Variants in EYS observed in about 807,000 individuals in gnomAD.
The protein encoded by EYS is protein eyes shut homolog.
EYS carries 250 observed loss-of-function variants against 282.1 expected under a neutral mutation model. The ratio of observed to expected loss-of-function variants is 0.89; its 90% CI spans 0.80 to 0.98. EYS has a LOEUF of 0.98. EYS is among the 50% of genes least tolerant of loss of function. The probability of loss-of-function intolerance (pLI) is 0.00; values close to 1 mark genes in which losing one functional copy is unlikely to be tolerated. For missense variants in EYS, 4,016 were observed against 3,709.0 expected (o/e 1.08, Z -2.15); for synonymous variants, 1,355 against 1,282.9 (o/e 1.06, Z -1.20).
intron 26 of EYS, among the ~76,000 whole-genome samples, chr6:64,441,067 C>T (rs1235243895): frequency 6.6e-6 from 1 of 152,020 alleles, no homozygotes; most frequent in African/African-American, 2.4e-5. Context: ...TGATGCTTTA[C>T]AAAGAAATTA....
At chr6:65,363,137 C>T (rs1295542258) in intron 8 of EYS, among the ~76,000 whole-genome samples, 1 of 80,468 alleles carries the variant, frequency 1.2e-5, no homozygotes, top group African/African-American at 4.8e-5. Context: ...TGAATGTGAT[C>T]ATCAGGGCTA....
At chr6:65,204,405 TAA>T (rs112984476) in intron 12 of EYS, among the ~76,000 whole-genome samples, 5 of 135,036 alleles carry the variant, frequency 3.7e-5, no homozygotes, top group African/African-American at 5.3e-5. Flanking sequence ...TTAGCCTCCT[TAA>T]AAAAAAAAAA....
intron 5 of EYS, among the ~76,000 whole-genome samples, chr6:65,448,766 C>T (rs556727989): frequency 2.5e-4 from 38 of 151,974 alleles, no homozygotes; most frequent in East Asian, 2.1e-3. Flanking sequence ...ATATCAAATG[C>T]AATGTTTTTG....
intron 12 of EYS, among the ~76,000 whole-genome samples, chr6:65,221,763 A>C (rs747328599): frequency 7.9e-5 from 12 of 152,266 alleles, no homozygotes; most frequent in Non-Finnish European, 1.2e-4. Flanking sequence ...TGCACCTAGA[A>C]AAGACAAGAC....
intron 31 of EYS, among the ~76,000 whole-genome samples, chr6:64,112,105 A>G (rs980643839): frequency 4.6e-5 from 7 of 152,078 alleles, no homozygotes; most frequent in East Asian, 1.9e-4. Context: ...TGAAAATATG[A>G]TAAACAGATA....
chr6:63,761,045 C>T (rs528513866), intron 41 of EYS, among the ~76,000 whole-genome samples: 31 of 148,310 alleles, frequency 2.1e-4, no homozygotes, highest in African/African-American at 7.3e-4. Context: ...AATATTTAAC[C>T]GATTTTTTTT....
At chr6:65,681,284 TG>T (rs1768804271) in intron 1 of EYS, among the ~76,000 whole-genome samples, 1 of 152,010 alleles carries the variant, frequency 6.6e-6, no homozygotes, top group African/African-American at 2.4e-5. Context: ...TCATCATCTG[TG>T]GGGGCTAACA....
rs568007042 is a variant in EYS at position 65,039,684 on chromosome 6, A to G, written c.2137+17930T>C. ...TCCTTTTTAAAAATATTAACCATAA[A>G]TATTTTATGGTTTTGCAGATTTTAT... On this transcript the variant is annotated intron_variant, in intron 13 of 42. Transcript: ENST00000503581. Among the ~76,000 whole-genome samples, 3 of 151,638 alleles carry G rather than the reference A, an allele frequency of 2.0e-5. No individual in the cohort carries two copies. The East Asian group carries it at 5.8e-4, about 29-fold the overall frequency.
chr6:64,063,640 A>G (rs1771258311), intron 33 of EYS, among the ~76,000 whole-genome samples: 1 of 151,958 alleles, frequency 6.6e-6, no homozygotes, highest in Non-Finnish European at 1.5e-5. Context: ...TTACTAAGGC[A>G]CCCTCTTCTG....
chr6:64,569,438 T>G (rs1765652257), intron 26 of EYS, among the ~76,000 whole-genome samples: 1 of 151,376 alleles, frequency 6.6e-6, no homozygotes, highest in African/African-American at 2.4e-5. Context: ...AAGACAAGAT[T>G]AGAGAAAAAA....
chr6:65,117,086 T>C (rs1775397939), intron 12 of EYS, among the ~76,000 whole-genome samples: 1 of 152,178 alleles, frequency 6.6e-6, no homozygotes, highest in Non-Finnish European at 1.5e-5. Context: ...TCAGGAAACA[T>C]TTAATTGCCA....
chr6:64,327,773 A>G (rs532697723), intron 29 of EYS, among the ~76,000 whole-genome samples: 1 of 152,174 alleles, frequency 6.6e-6, no homozygotes, highest in African/African-American at 2.4e-5. Flanking sequence ...CCACCTGAAG[A>G]GTTAGAAAGT....
chr6:64,524,056 A>G (rs1000126496), intron 26 of EYS, among the ~76,000 whole-genome samples: 1 of 151,682 alleles, frequency 6.6e-6, no homozygotes. Flanking sequence ...GCTGAAATAA[A>G]TATGGAGCTA....
At chr6:65,598,442 A>T (rs963891703) in intron 2 of EYS, among the ~76,000 whole-genome samples, 1 of 152,070 alleles carries the variant, frequency 6.6e-6, no homozygotes, top group Non-Finnish European at 1.5e-5. Context: ...GCCATCCAGC[A>T]TCACCTGGAG....
intron 11 of EYS, among the ~76,000 whole-genome samples, chr6:65,300,429 C>G (rs1200211546): frequency 6.6e-6 from 1 of 152,000 alleles, no homozygotes; most frequent in African/African-American, 2.4e-5. Context: ...CTATTTTTTT[C>G]TACCTTTTTC....
At chr6:64,119,757 G>A (rs115353956) in intron 31 of EYS, among the ~76,000 whole-genome samples, 2,942 of 152,224 alleles carry the variant, frequency 0.019, 83 homozygotes, top group African/African-American at 0.066. Flanking sequence ...GCTTATAAAG[G>A]GCTTTTCACG....
At chr6:63,823,160 A>G (rs1233673744) in intron 36 of EYS, among the ~76,000 whole-genome samples, 3 of 152,096 alleles carry the variant, frequency 2.0e-5, no homozygotes, top group Non-Finnish European at 4.4e-5. Context: ...ACATTGTTTG[A>G]TTATATTTGC....
rs9452322 is a variant in EYS at position 64,668,709 on chromosome 6, T to C, written c.3444-42464A>G. Among the ~76,000 whole-genome samples, 1,167 of 151,692 alleles carry C rather than the reference T, an allele frequency of 7.7e-3. 17 individuals carry two copies. The highest frequency in any genetic ancestry group is 0.027 in the African/African-American group (1,124 of 41,402). On this transcript the variant is annotated intron_variant, in intron 22 of 42. Coordinates refer to ENST00000503581, the MANE Select transcript of EYS (RefSeq NM_001142800.2). Reference sequence around the variant, plus strand: ...CCTCCCAAGTAGCTGGGACTACAGGTACCCGCCACCACGCCCAGCTAATTT... The same window carrying C: ...CCTCCCAAGTAGCTGGGACTACAGGCACCCGCCACCACGCCCAGCTAATTT...
intron 8 of EYS, among the ~76,000 whole-genome samples, chr6:65,357,601 C>T (rs568390211): frequency 1.3e-5 from 2 of 152,002 alleles, no homozygotes; most frequent in African/African-American, 4.8e-5. Context: ...TCCTAAGGAA[C>T]AATTGTTATA....
Sources: allele counts gnomAD v4.1 joint callset (sites outside exome capture counted in the v4.1 genomes callset), GRCh38; gene constraint gnomAD v4.1.1; transcripts MANE v1.5; gene names NCBI Gene and HGNC (gene_info 2026-07-23, HGNC 2026-07-21).